IGF2: variants seen among roughly 807,000 people sequenced by gnomAD.
IGF2 encodes insulin like growth factor 2, also known as insulin-like growth factor 2.
Under a neutral mutation model 12.0 loss-of-function variants are expected in IGF2, and 2 were observed. That is an observed-to-expected ratio of 0.17 (90% CI 0.07 to 0.52). The LOEUF is 0.52. IGF2 is among the 20% of genes least tolerant of loss of function. The pLI is 0.95. For missense variants in IGF2, 211 were observed against 268.0 expected (o/e 0.79, Z 1.48); for synonymous variants, 105 against 110.1 (o/e 0.95, Z 0.29).
chr11:2,142,860 C>T (rs17879019), upstream of IGF2, among the ~76,000 whole-genome samples: 1,185 of 152,206 alleles, frequency 7.8e-3, 15 homozygotes, highest in African/African-American at 0.027. The surrounding 1 kb of genome is among the most constrained non-coding windows in gnomAD (Gnocchi z 5.7). Context: ...ACCCGGGAGA[C>T]CCTGTGTGAT....
Position 2,130,715 on chromosome 11 carries a change from T to C in IGF2, c.*2272A>G, listed in dbSNP as rs1858483895. 5.0e-6 allele frequency: 1 copy of C among 199,244 alleles called. No homozygotes were observed. Among genetic ancestry groups the C allele is most frequent in the African/African-American group, 2.3e-5 (1 of 43,180 alleles). The allele number at this position is 199,244 out of a possible 1,614,324, so 12.3% of individuals were successfully genotyped here. ...AAGTCTGCTGTCAATCCTCCTGACT[T>C]TTCCATCCAAAATCTCCCGGGACCA... On this transcript the variant is annotated 3_prime_UTR_variant, in exon 4 of 4. Coordinates refer to ENST00000416167, the MANE Select transcript of IGF2 (RefSeq NM_000612.6).
Position 2,133,501 on chromosome 11 carries a change from G to C in IGF2, c.306+16C>G. On this transcript the variant is annotated intron_variant, in intron 3 of 3. Transcript: ENST00000416167. This position sits in a 1 kb window ranked among gnomAD's most constrained non-coding sequence, Gnocchi z 8.9. ...CTCTGTCTCTAGAGAGTGGGAAAGGGGCCCAGGACCCTCACCGGAAGCACG... is the reference window on the plus strand; with the variant it reads ...CTCTGTCTCTAGAGAGTGGGAAAGGCGCCCAGGACCCTCACCGGAAGCACG... 6.2e-7 allele frequency: 1 copy of C among 1,604,512 alleles called. No individual in the cohort carries two copies. Among genetic ancestry groups the C allele is most frequent in the Non-Finnish European group, 8.5e-7 (1 of 1,175,776 alleles).
chr11:2,149,458 G>A, the IGF2 span: 1 of 899,190 alleles, frequency 1.1e-6, no homozygotes, highest in Admixed American at 2.2e-5. Context: ...TGAAATGATG[G>A]GTTTACCCCT....
In IGF2 at chr11:2,133,194, C is replaced by G; in HGVS notation, c.336G>C (p.Lys112Asn). Reference protein sequence around the residue: ...PDNFPRYPVGKFFQYDTWKQS... With the variant: ...PDNFPRYPVGNFFQYDTWKQS... ...GCTTCCAGGTGTCATATTGGAAGAACTTGCCCACGGGGTATCTGGGGAAGT... is the reference window on the plus strand; with the variant it reads ...GCTTCCAGGTGTCATATTGGAAGAAGTTGCCCACGGGGTATCTGGGGAAGT... Residue 112 changes from lysine to asparagine, a missense_variant, in exon 4 of 4, where the codon AAG becomes AAC. Physicochemically the swap from Lys to Asn is moderately conservative, Grantham distance 94 (BLOSUM62 0). Around this residue, in one of 3 missense-constraint regions of IGF2, gnomAD observed 141 missense variants for 153.1 expected, o/e 0.92. Transcript: ENST00000416167. The surrounding 1 kb of genome is among the most constrained non-coding windows in gnomAD (Gnocchi z 8.9). The G allele has an allele frequency of 1.3e-6, 2 of 1,570,964 alleles. No homozygotes were observed. Among genetic ancestry groups the G allele is most frequent in the East Asian group, 2.3e-5 (1 of 43,868 alleles).
In IGF2 at chr11:2,133,818, C is replaced by T; in HGVS notation, c.158-153G>A. 1 of 853,526 alleles carries T rather than the reference C, an allele frequency of 1.2e-6. No individual in the cohort carries two copies. The highest frequency in any genetic ancestry group is 1.8e-6 in the Non-Finnish European group (1 of 557,166). The allele number at this position is 853,526 out of a possible 1,614,324, so 52.9% of individuals were successfully genotyped here. A position where few individuals can be genotyped will look rare whatever the true frequency, so the allele number is the denominator to read the frequency against. ...GTCAGGGGAGGGAAGTGAGAGCTGG[C>T]AGGCAGAGGCGTCCCAGGAAGAAGA... On this transcript the variant is annotated intron_variant, in intron 2 of 3. Transcript: ENST00000416167. The surrounding 1 kb of genome is among the most constrained non-coding windows in gnomAD (Gnocchi z 8.9).
upstream of IGF2, chr11:2,140,025 C>A: frequency 9.1e-7 from 1 of 1,099,310 alleles, no homozygotes; most frequent in Non-Finnish European, 1.3e-6. Context: ...GTGCGGGACG[C>A]GCGGAAGGCC....
In IGF2 at chr11:2,131,214, G is replaced by A. The variant is rs1207564261; in HGVS notation, c.*1773C>T. On this transcript the variant is annotated 3_prime_UTR_variant, in exon 4 of 4. Transcript: ENST00000416167. ...CCCACCCTACGGGTGTATCCCAAATGCCGCCGGCCGCACACTCAGGCCGCA... is the reference window on the plus strand; with the variant it reads ...CCCACCCTACGGGTGTATCCCAAATACCGCCGGCCGCACACTCAGGCCGCA... 4.3e-6 allele frequency: 1 copy of A among 233,160 alleles called. No individual in the cohort carries two copies. Among genetic ancestry groups the A allele is most frequent in the African/African-American group, 2.2e-5 (1 of 45,340 alleles). 14.4% of individuals were successfully genotyped at this position (233,160 alleles called of 1,614,324 possible).
At chr11:2,135,216 T>G in intron 2 of IGF2, 151 bp downstream of exon 2, 1 of 669,310 alleles carries the variant, frequency 1.5e-6, no homozygotes, top group South Asian at 2.3e-5. Context: ...ACACCGCACG[T>G]GCTCAGAAAC....
upstream of IGF2, chr11:2,140,741 G>T (rs530455802): frequency 2.5e-5 from 9 of 353,726 alleles, no homozygotes; most frequent in African/African-American, 1.8e-4. Context: ...CCCCACGCCG[G>T]CCTCCCCGGC....
chr11:2,135,313 C>A, intron 2 of IGF2, 54 bp downstream of exon 2: 1 of 1,471,878 alleles, frequency 6.8e-7, no homozygotes, highest in Non-Finnish European at 9.1e-7. Flanking sequence ...GGCGTCCTCA[C>A]CGGTCACTCT....
In IGF2 at chr11:2,130,067, C is replaced by T. The variant is rs186411823; in HGVS notation, c.*2920G>A. 3.0e-5 allele frequency: 7 copies of T among 229,762 alleles called. No individual in the cohort carries two copies. Among genetic ancestry groups the T allele is most frequent in the African/African-American group, 4.4e-5 (2 of 45,204 alleles). The allele number at this position is 229,762 out of a possible 1,614,324, so 14.2% of individuals were successfully genotyped here. On this transcript the variant is annotated 3_prime_UTR_variant, in exon 4 of 4. Transcript: ENST00000416167. ...GGAGACAAGGCAGGGTGCTGAGGGG[C>T]GGGCAAGATGTCACCGAGGGAGAGG...
At chr11:2,142,308 C>A (rs940235996), upstream of IGF2, among the ~76,000 whole-genome samples, 1 of 151,790 alleles carries the variant, frequency 6.6e-6, no homozygotes, top group Non-Finnish European at 1.5e-5. This position sits in a 1 kb window ranked among gnomAD's most constrained non-coding sequence, Gnocchi z 5.7. Flanking sequence ...CCAGGAAAAT[C>A]GTTTTTGAAT....
chr11:2,140,424 G>A (rs952931575), upstream of IGF2: 28 of 839,216 alleles, frequency 3.3e-5, no homozygotes, highest in Admixed American at 2.4e-4. Flanking sequence ...GGCCGCCGGC[G>A]GAATCTCGCG....
Position 2,131,951 on chromosome 11 carries a change from TTGTGTGCTG to T in IGF2, c.*1027_*1035del, listed in dbSNP as rs1267336422. The T allele has an allele frequency of 6.0e-6, 1 of 166,618 alleles. No individual in the cohort carries two copies. The highest frequency in any genetic ancestry group is 1.2e-5 in the Non-Finnish European group (1 of 83,764). 10.3% of individuals were successfully genotyped at this position (166,618 alleles called of 1,614,324 possible). A position where few individuals can be genotyped will look rare whatever the true frequency, so the allele number is the denominator to read the frequency against. On this transcript the variant is annotated 3_prime_UTR_variant, in exon 4 of 4. Transcript: ENST00000416167. ...GTGTGTGCGTGTGTGTGCCGTGCGT[TTGTGTGCTG>T]TGTGTGCATGTGTGTGCGTGTGTGT...
At chr11:2,139,987 CGCGCCGGA>C, upstream of IGF2, 1 of 655,046 alleles carries the variant, frequency 1.5e-6, no homozygotes, top group Non-Finnish European at 2.3e-6. Context: ...CCCCCGGTGC[CGCGCCGGA>C]GCCCCGGAGC....
chr11:2,140,707 G>T (rs577186079), upstream of IGF2: 1 of 458,546 alleles, frequency 2.2e-6, no homozygotes, highest in East Asian at 8.6e-5. Flanking sequence ...GCCGCCAGCC[G>T]CAAGTCCGCA....
upstream of IGF2, among the ~76,000 whole-genome samples, chr11:2,143,929 C>A (rs1233467218): frequency 1.3e-5 from 2 of 152,144 alleles, no homozygotes; most frequent in African/African-American, 2.4e-5. Context: ...GAAGGCGCTG[C>A]CGGGGATTCA....
intron 1 of IGF2, among the ~76,000 whole-genome samples, chr11:2,136,306 G>A (rs939361076): frequency 2.6e-5 from 4 of 152,142 alleles, no homozygotes; most frequent in East Asian, 1.9e-4. Flanking sequence ...GCCTCAAATC[G>A]AACCAGTAAG....
At chr11:2,138,094 T>A in intron 1 of IGF2, 135 bp downstream of exon 1, 1 of 369,384 alleles carries the variant, frequency 2.7e-6, no homozygotes, top group Non-Finnish European at 3.7e-6. Context: ...CTCCTCCTCC[T>A]CCCCCCCGGG....
Sources: allele counts gnomAD v4.1 joint callset (sites outside exome capture counted in the v4.1 genomes callset), GRCh38; gene constraint gnomAD v4.1.1; regional missense constraint gnomAD v4.1.1; non-coding constraint Gnocchi (gnomAD v3.1); transcripts MANE v1.5; gene names NCBI Gene and HGNC (gene_info 2026-07-23, HGNC 2026-07-21).